PABIR2: variants seen among roughly 807,000 people sequenced by gnomAD.
PABIR2 encodes PABIR family member 2.
PABIR2 carries 7 observed loss-of-function variants against 22.8 expected under a neutral mutation model. The observed-to-expected ratio is 0.31, with a 90% confidence interval of 0.17 to 0.58. The LOEUF is 0.58. Ranked by LOEUF, PABIR2 falls within the 20% of genes least tolerant of loss-of-function variation. The pLI is 0.89. For missense variants in PABIR2, 155 were observed against 205.1 expected (o/e 0.76, Z 1.49); for synonymous variants, 67 against 73.8 (o/e 0.91, Z 0.47).
chrX:134,776,911 A>G (rs1221301951), intron 9 of PABIR2, among the ~76,000 whole-genome samples: 1 of 112,288 alleles, frequency 8.9e-6, no homozygotes, highest in Non-Finnish European at 1.9e-5. Flanking sequence ...GTTTCATTAA[A>G]ATAGGAAATC....
intron 2 of PABIR2, among the ~76,000 whole-genome samples, chrX:134,793,016 C>A (rs1034746404): frequency 1.8e-5 from 2 of 111,955 alleles, no homozygotes; most frequent in African/African-American, 6.5e-5. Flanking sequence ...CCCTTGCTAG[C>A]AGCTATTAGT....
Position 134,796,186 on chromosome X carries a change from T to C in PABIR2, c.20A>G (p.Glu7Gly). Residue 7 changes from glutamate to glycine, a missense_variant, in exon 1 of 10, where the codon GAG (glutamate) becomes GGG (glycine). By Grantham distance (98) the Glu-to-Gly change is moderately conservative. Coordinates refer to ENST00000343004, the MANE Select transcript of PABIR2 (RefSeq NM_001387468.1). MAQEKM[E>G]LDLEPDTSYG... ...AGATGTGTCAGGCTCAAGGTCCAGC[T>C]CCATTTTCTCCTGAGCCATGTCAGA... is the stretch of plus-strand genomic sequence containing the variant. 1 of 1,209,947 alleles carries C rather than the reference T, an allele frequency of 8.3e-7. No individual in the cohort carries two copies. The highest frequency in any genetic ancestry group is 1.1e-6 in the Non-Finnish European group (1 of 894,915).
intron 2 of PABIR2, 73 bp from the exon 3 acceptor site, chrX:134,789,709 A>G (rs2079489906): frequency 1.1e-6 from 1 of 903,462 alleles, no homozygotes; most frequent in Non-Finnish European, 1.5e-6. Flanking sequence ...ACTGGCGTAC[A>G]ACCTCTTCCT....
chrX:134,777,889 T>TG (rs1169453155), intron 9 of PABIR2, among the ~76,000 whole-genome samples: 5 of 97,791 alleles, frequency 5.1e-5, no homozygotes, highest in African/African-American at 1.9e-4. Flanking sequence ...TGGTTGGTTT[T>TG]TTTTTTTTTT....
At chrX:134,772,516 C>T (rs925295502) in intron 9 of PABIR2, among the ~76,000 whole-genome samples, 1 of 111,570 alleles carries the variant, frequency 9.0e-6, no homozygotes, top group Non-Finnish European at 1.9e-5. Context: ...GGCACCAGAC[C>T]GCCTAACCTA....
chrX:134,794,110 A>C, intron 1 of PABIR2: 132 of 616,865 alleles, frequency 2.1e-4, no homozygotes, highest in Middle Eastern at 1.0e-3. Flanking sequence ...TACTGATCTC[A>C]GTGGTCGGGG....
In PABIR2 at chrX:134,796,274, T is replaced by G; in HGVS notation, c.-69A>C. On this transcript the variant is annotated 5_prime_UTR_variant, in exon 1 of 10. Transcript: ENST00000343004. ...GTGCTTAGCTATGGACTCCCAAGAC[T>G]CTCACTGCAGGACTGAGCTGCTGGG... is the stretch of plus-strand genomic sequence containing the variant. 3 of 812,027 alleles carry G rather than the reference T, an allele frequency of 3.7e-6. No homozygotes were observed. The East Asian group carries it at 1.7e-4, about 45-fold the overall frequency. 66.9% of individuals were successfully genotyped at this position (812,027 alleles called of 1,213,427 possible).
rs749351887 is a variant in PABIR2 at position 134,793,996 on chromosome X, C to T, written c.99-103G>A. ...TTAGCATCAGTTATCTAGTTAACAA[C>T]GAAATCTTCCATGGCTCCTCATTTC... On this transcript the variant is annotated intron_variant, in intron 1 of 9. Transcript: ENST00000343004. 453 of 1,119,965 alleles carry T rather than the reference C, an allele frequency of 4.0e-4. 1 individual carries two copies. Among genetic ancestry groups the T allele is most frequent in the South Asian group, 1.3e-3 (59 of 45,419 alleles). The allele number at this position is 1,119,965 out of a possible 1,213,427, so 92.3% of individuals were successfully genotyped here.
chrX:134,784,882 G>C (rs771987594), intron 8 of PABIR2, among the ~76,000 whole-genome samples: 3 of 111,432 alleles, frequency 2.7e-5, no homozygotes, highest in South Asian at 3.7e-4. Flanking sequence ...AGGTAACTGA[G>C]AGCACCCTGT....
chrX:134,777,284 T>C (rs1312908849), intron 9 of PABIR2, among the ~76,000 whole-genome samples: 1 of 111,315 alleles, frequency 9.0e-6, no homozygotes, highest in African/African-American at 3.3e-5. Context: ...CCCAACACTT[T>C]GGGAGGCCAA....
rs1347825841 is a variant in PABIR2, at chrX:134,771,638, G to A, written c.*501C>T. 1.2e-6 allele frequency: 1 copy of A among 823,330 alleles called. No individual in the cohort carries two copies. The highest frequency in any genetic ancestry group is 1.5e-6 in the Non-Finnish European group (1 of 682,147). 67.9% of individuals were successfully genotyped at this position (823,330 alleles called of 1,213,427 possible). On this transcript the variant is annotated 3_prime_UTR_variant, in exon 10 of 10. Coordinates refer to ENST00000343004, the MANE Select transcript of PABIR2 (RefSeq NM_001387468.1). ...ACAAAATAATGTACTTGAAGCTGAT[G>A]CAGAAAAATAAAAATTTAATATAAT... is the stretch of plus-strand genomic sequence containing the variant.
intron 2 of PABIR2, among the ~76,000 whole-genome samples, chrX:134,792,700 G>T (rs1018755590): frequency 8.9e-6 from 1 of 112,258 alleles, no homozygotes; most frequent in Non-Finnish European, 1.9e-5. Flanking sequence ...GACTTCTAAC[G>T]TCTTGAGTTT....
chrX:134,777,347 C>G (rs758847475), intron 9 of PABIR2, among the ~76,000 whole-genome samples: 1 of 110,415 alleles, frequency 9.1e-6, no homozygotes, highest in African/African-American at 3.3e-5. Flanking sequence ...GGCAACATGG[C>G]GAAACCCGGT....
chrX:134,772,112 T>C lies in PABIR2; in HGVS notation c.*27A>G. 8.5e-7 allele frequency: 1 copy of C among 1,174,553 alleles called. No homozygotes were observed. Among genetic ancestry groups the C allele is most frequent in the Non-Finnish European group, 1.1e-6 (1 of 872,863 alleles). Reference sequence around the variant, plus strand: ...AACATTTTATGTAGGAAACAGCAGTTAAAACGTTGAATCAGAAATGGTTAA... The same window carrying C: ...AACATTTTATGTAGGAAACAGCAGTCAAAACGTTGAATCAGAAATGGTTAA... On this transcript the variant is annotated 3_prime_UTR_variant, in exon 10 of 10. Coordinates refer to ENST00000343004, the MANE Select transcript of PABIR2 (RefSeq NM_001387468.1).
At chrX:134,777,258 G>T (rs2079002877) in intron 9 of PABIR2, among the ~76,000 whole-genome samples, 1 of 112,250 alleles carries the variant, frequency 8.9e-6, no homozygotes, top group Non-Finnish European at 1.9e-5. Context: ...TGGGTGCGGT[G>T]GCTCATGCCT....
At chrX:134,785,776 C>T in intron 8 of PABIR2, 110 bp downstream of exon 8, 2 of 772,927 alleles carry the variant, frequency 2.6e-6, no homozygotes, top group South Asian at 2.4e-5. Context: ...TTTGCTTCAC[C>T]TAGTTACCTT....
At position 134,771,080 on chromosome X, in the gene PABIR2, A is replaced by G. The variant is rs2078830374; in HGVS notation, c.*1059T>C. 3 of 317,966 alleles carry G rather than the reference A, an allele frequency of 9.4e-6. No homozygotes were observed. Among genetic ancestry groups the G allele is most frequent in the Admixed American group, 6.0e-5 (1 of 16,740 alleles). The allele number at this position is 317,966 out of a possible 1,213,427, so 26.2% of individuals were successfully genotyped here. A position where few individuals can be genotyped will look rare whatever the true frequency, so the allele number is the denominator to read the frequency against. ...CCACATGACAAAACAAACAAATCCAATGACAAAAAGGAATCGGAAAAAAAG... is the reference window on the plus strand; with the variant it reads ...CCACATGACAAAACAAACAAATCCAGTGACAAAAAGGAATCGGAAAAAAAG... On this transcript the variant is annotated 3_prime_UTR_variant, in exon 10 of 10. Coordinates refer to ENST00000343004, the MANE Select transcript of PABIR2 (RefSeq NM_001387468.1).
chrX:134,787,102 T>C (rs1024674787), intron 7 of PABIR2, among the ~76,000 whole-genome samples: 7 of 105,435 alleles, frequency 6.6e-5, no homozygotes, highest in African/African-American at 2.1e-4. Flanking sequence ...TAATCTTCTT[T>C]TTTTTTTTTT....
chrX:134,779,971 T>C (rs947136013), intron 9 of PABIR2, among the ~76,000 whole-genome samples: 19 of 112,508 alleles, frequency 1.7e-4, no homozygotes, highest in African/African-American at 5.8e-4. Context: ...AAAATCAGCA[T>C]ACTGAACTAG....
Sources: gnomAD v4.1 joint callset for allele counts (sites outside exome capture counted in the v4.1 genomes callset) on GRCh38, gnomAD v4.1.1 for gene constraint, MANE v1.5 for transcripts, NCBI Gene and HGNC (gene_info 2026-07-23, HGNC 2026-07-21) for gene names.